ZNF470: variants seen among roughly 807,000 people sequenced by gnomAD.
ZNF470 encodes the protein chondrogenesis zinc finger protein 1.
A neutral mutation model predicts 13.9 loss-of-function variants in ZNF470; 13 were observed. That is an observed-to-expected ratio of 0.94 (90% CI 0.61 to 1.49). The LOEUF (loss-of-function observed/expected upper bound fraction) is 1.49. Among genes scored for constraint, ZNF470 ranks in the 40% most tolerant of loss-of-function variants. The pLI is 0.00. For synonymous variants in ZNF470, 293 were observed against 282.9 expected (o/e 1.04, Z -0.36); for missense variants, 929 against 857.3 (o/e 1.08, Z -1.04).
rs1361188693 is a variant in ZNF470, at chr19:56,580,047, A to G, written c.*1464A>G. ...TTACAGATCTAGTAGAACAGAAAAA[A>G]TTAAATGCATGCTATGTGATAAGTA... On this transcript the variant is annotated 3_prime_UTR_variant, in exon 6 of 6. Transcript: ENST00000330619. 1.5e-6 allele frequency: 1 copy of G among 689,492 alleles called. No homozygotes were observed. The highest frequency in any genetic ancestry group is 1.8e-6 in the Non-Finnish European group (1 of 560,392). The allele number at this position is 689,492 out of a possible 1,614,324, so 42.7% of individuals were successfully genotyped here.
Position 56,577,485 on chromosome 19 carries a change from C to G in ZNF470, c.1056C>G (p.Cys352Trp). ...AATGTGGGAAGGCTTTTAGTGATTG[C>G]TCATCCCTAGCTCATCATCGAAGGA... ...CIECGKAFSD[C>W]SSLAHHRRIH... Residue 352 changes from cysteine to tryptophan, a missense_variant, in exon 6 of 6, where the codon TGC (cysteine) becomes TGG (tryptophan). Cys to Trp is a radical substitution (Grantham distance 215). Transcript: ENST00000330619. The G allele has an allele frequency of 6.2e-7, 1 of 1,613,538 alleles. No individual in the cohort carries two copies. The highest frequency in any genetic ancestry group is 8.5e-7 in the Non-Finnish European group (1 of 1,179,564).
At position 56,580,226 on chromosome 19, in the gene ZNF470, G is replaced by A; in HGVS notation, c.*1643G>A. On this transcript the variant is annotated 3_prime_UTR_variant, in exon 6 of 6. Coordinates refer to ENST00000330619, the MANE Select transcript of ZNF470 (RefSeq NM_001001668.4). ...CAAAAGGCATAATGAAAATAGTCATGATAGTCCCAAGGCAGATATTGTTTA... is the reference window on the plus strand; with the variant it reads ...CAAAAGGCATAATGAAAATAGTCATAATAGTCCCAAGGCAGATATTGTTTA... 2 of 899,178 alleles carry A rather than the reference G, an allele frequency of 2.2e-6. No homozygotes were observed. Among genetic ancestry groups the A allele is most frequent in the Non-Finnish European group, 2.7e-6 (2 of 751,748 alleles). 55.7% of individuals were successfully genotyped at this position (899,178 alleles called of 1,614,324 possible).
rs746471446 is a variant in ZNF470, at chr19:56,574,721, G to A, written c.271G>A (p.Gly91Ser). 3.1e-6 allele frequency: 5 copies of A among 1,613,476 alleles called. No individual in the cohort carries two copies. Among genetic ancestry groups the A allele is most frequent in the Admixed American group, 3.3e-5 (2 of 59,890 alleles). Residue 91 changes from glycine to serine, a missense_variant, in exon 5 of 6, where the codon GGC (glycine) becomes AGC (serine). Physicochemically the swap from Gly to Ser is moderately conservative, Grantham distance 56. Transcript: ENST00000330619. ...PWVIKGGMNR[G>S]LCPDLECVWV... ...GGTGATAAAAGGAGGGATGAACAGA[G>A]GCCTGTGCCCAGGTAAGTGGAGGAT...
intron 3 of ZNF470, among the ~76,000 whole-genome samples, chr19:56,572,281 A>T (rs2044457153): frequency 8.6e-6 from 1 of 116,828 alleles, no homozygotes; most frequent in South Asian, 3.2e-4. Flanking sequence ...AGGCGGGTGG[A>T]TTACCTGAGG....
chr19:56,573,264 A>G (rs533076387), intron 3 of ZNF470, among the ~76,000 whole-genome samples: 2 of 152,292 alleles, frequency 1.3e-5, no homozygotes, highest in East Asian at 1.9e-4. Context: ...TTAAGCAATT[A>G]CATCATGCCA....
In ZNF470 at chr19:56,579,400, C is replaced by T. The variant is rs2044518563; in HGVS notation, c.*817C>T. 2.1e-6 allele frequency: 2 copies of T among 969,776 alleles called. No homozygotes were observed. The highest frequency in any genetic ancestry group is 2.5e-6 in the Non-Finnish European group (2 of 815,846). 60.1% of individuals were successfully genotyped at this position (969,776 alleles called of 1,614,324 possible). On this transcript the variant is annotated 3_prime_UTR_variant, in exon 6 of 6. Coordinates refer to ENST00000330619, the MANE Select transcript of ZNF470 (RefSeq NM_001001668.4). ...TCACACCACTGCAATTCCAGCTGGG[C>T]AGCAGAGCCAGACACTGTCTCAAGG...
rs932965887 is a variant in ZNF470, at chr19:56,581,680, C to A, written c.*3097C>A. 3.5e-5 allele frequency: 34 copies of A among 981,178 alleles called. No individual in the cohort carries two copies. Among genetic ancestry groups the A allele is most frequent in the Admixed American group, 1.8e-4 (3 of 16,234 alleles). 60.8% of individuals were successfully genotyped at this position (981,178 alleles called of 1,614,324 possible). A position where few individuals can be genotyped will look rare whatever the true frequency, so the allele number is the denominator to read the frequency against. ...TAATTGTGATATCAAAAATAAAAAT[C>A]AAAATATATATTATAGTAGGCATTT... On this transcript the variant is annotated 3_prime_UTR_variant, in exon 6 of 6. Coordinates refer to ENST00000330619, the MANE Select transcript of ZNF470 (RefSeq NM_001001668.4).
Position 56,577,072 on chromosome 19 carries a change from G to A in ZNF470, c.643G>A (p.Val215Met), listed in dbSNP as rs767384885. 5.6e-6 allele frequency: 9 copies of A among 1,594,042 alleles called. No individual in the cohort carries two copies. The African/African-American group carries it at 1.1e-4, about 19-fold the overall frequency. ...GAAAAGCTTAAAAACACATTCAGTT[G>A]TGAAAAAACACAAGCAAGACCGTGG... ...DKKSLKTHSV[V>M]KKHKQDRGEK... The change falls in exon 6 of 6, where the codon GTG becomes ATG. Residue 215 changes from valine (V) to methionine (M), a missense_variant. Transcript: ENST00000330619.
Position 56,576,950 on chromosome 19 carries a change from C to G in ZNF470, c.521C>G (p.Ser174Cys), listed in dbSNP as rs755588951. ...IDTLIEKRDHSNKSGTVFHLN... is the reference protein window; with the variant it reads ...IDTLIEKRDHCNKSGTVFHLN... ...ACTCTTATTGAAAAAAGAGATCACTCTAACAAATCTGGGACAGTTTTTCAT... is the reference window on the plus strand; with the variant it reads ...ACTCTTATTGAAAAAAGAGATCACTGTAACAAATCTGGGACAGTTTTTCAT... The change falls in exon 6 of 6, where the codon TCT (serine) becomes TGT (cysteine). Residue 174 changes from serine (S) to cysteine (C), a missense_variant. Ser to Cys is a moderately radical substitution (Grantham distance 112). Coordinates refer to ENST00000330619, the MANE Select transcript of ZNF470 (RefSeq NM_001001668.4). The G allele has an allele frequency of 1.9e-6, 3 of 1,585,834 alleles. No homozygotes were observed. Among genetic ancestry groups the G allele is most frequent in the African/African-American group, 2.7e-5 (2 of 73,100 alleles).
In ZNF470 at chr19:56,567,783, G is replaced by A. The variant is rs946852999; in HGVS notation, c.-414G>A. 3.0e-6 allele frequency: 3 copies of A among 987,470 alleles called. No homozygotes were observed. The highest frequency in any genetic ancestry group is 3.6e-6 in the Non-Finnish European group (3 of 831,500). The allele number at this position is 987,470 out of a possible 1,614,324, so 61.2% of individuals were successfully genotyped here. The stretch of plus-strand genomic sequence containing the variant: ...CCCGGCGGCGTGCGGAAGGCGGTGT[G>A]TGTTGGAATGAGTGAAGCACTTTAA... On this transcript the variant is annotated 5_prime_UTR_variant, in exon 1 of 6. It adds an upstream start codon to the 5' untranslated region. Transcript: ENST00000330619.
Position 56,574,499 on chromosome 19 carries a change from T to C in ZNF470, c.166T>C (p.Tyr56His), listed in dbSNP as rs758440836. 6.2e-7 allele frequency: 1 copy of C among 1,613,884 alleles called. No individual in the cohort carries two copies. The highest frequency in any genetic ancestry group is 1.1e-5 in the South Asian group (1 of 91,072). ...GTACAAGAAGGTGATGTTAGAAAAC[T>C]ACAGGAACCTAGTTTCAGTGGGTAA... ...SLYKKVMLEN[Y>H]RNLVSVGLCI... Residue 56 changes from tyrosine to histidine, a missense_variant, in exon 4 of 6, where the codon TAC becomes CAC. Coordinates refer to ENST00000330619, the MANE Select transcript of ZNF470 (RefSeq NM_001001668.4).
In ZNF470 at chr19:56,577,352, G is replaced by T; in HGVS notation, c.923G>T (p.Gly308Val). 1 of 1,613,728 alleles carries T rather than the reference G, an allele frequency of 6.2e-7. No individual in the cohort carries two copies. Among genetic ancestry groups the T allele is most frequent in the Non-Finnish European group, 8.5e-7 (1 of 1,179,782 alleles). Residue 308 changes from glycine to valine, a missense_variant, in exon 6 of 6, where the codon GGA (glycine) becomes GTA (valine). By Grantham distance (109) the Gly-to-Val change is moderately radical (BLOSUM62 -3). Coordinates refer to ENST00000330619, the MANE Select transcript of ZNF470 (RefSeq NM_001001668.4). ...HLVQHQRVHT[G>V]EKPYQCKQCN... is the part of the protein sequence containing the mutation. ...GTTCAACACCAGAGAGTTCATACTG[G>T]AGAGAAACCTTATCAGTGTAAGCAG...
Position 56,577,112 on chromosome 19 carries a change from T to G in ZNF470, c.683T>G (p.Leu228Ter). The change falls in exon 6 of 6, where the codon TTA (leucine) becomes TGA (stop). Residue 228 changes from leucine (L) to a stop codon, truncating the protein, a stop_gained. Coordinates refer to ENST00000330619, the MANE Select transcript of ZNF470 (RefSeq NM_001001668.4). LOFTEE classifies it low-confidence loss of function (END_TRUNC). ...CAAGACCGTGGAGAAAAGAAACTTT[T>G]AAAATGTAATGACTGTGAGAAAATA... The part of the protein sequence containing the change: ...HKQDRGEKKL[L>*]KCNDCEKIFS... 6.2e-7 allele frequency: 1 copy of G among 1,610,122 alleles called. No individual in the cohort carries two copies. Among genetic ancestry groups the G allele is most frequent in the Non-Finnish European group, 8.5e-7 (1 of 1,179,054 alleles).
rs570503746 is a variant in ZNF470, at chr19:56,579,349, G to C, written c.*766G>C. ...AAGCAGGAGGATTGCTTGAGCCCAG[G>C]AGGTAGAGGTTGCAGTGAGTCATGA... is the stretch of plus-strand genomic sequence containing the variant. On this transcript the variant is annotated 3_prime_UTR_variant, in exon 6 of 6. Transcript: ENST00000330619. 2.1e-5 allele frequency: 16 copies of C among 762,676 alleles called. No homozygotes were observed. The highest frequency in any genetic ancestry group is 2.6e-5 in the Non-Finnish European group (16 of 626,898). 47.2% of individuals were successfully genotyped at this position (762,676 alleles called of 1,614,324 possible). A position where few individuals can be genotyped will look rare whatever the true frequency, so the allele number is the denominator to read the frequency against.
In ZNF470 at chr19:56,581,259, C is replaced by A; in HGVS notation, c.*2676C>A. ...AGTTAATGAAAATTATCCAATATCA[C>A]TAGAAATCAAGAAATGCAAATTAAA... On this transcript the variant is annotated 3_prime_UTR_variant, in exon 6 of 6. Coordinates refer to ENST00000330619, the MANE Select transcript of ZNF470 (RefSeq NM_001001668.4). 1 of 634,360 alleles carries A rather than the reference C, an allele frequency of 1.6e-6. No homozygotes were observed. Among genetic ancestry groups the A allele is most frequent in the Non-Finnish European group, 2.0e-6 (1 of 509,926 alleles). 39.3% of individuals were successfully genotyped at this position (634,360 alleles called of 1,614,324 possible).
Position 56,567,525 on chromosome 19 carries a change from A to G in ZNF470, c.-672A>G, listed in dbSNP as rs1284511099. 1.0e-6 allele frequency: 1 copy of G among 986,162 alleles called. No individual in the cohort carries two copies. The highest frequency in any genetic ancestry group is 1.2e-6 in the Non-Finnish European group (1 of 830,558). The allele number at this position is 986,162 out of a possible 1,614,324, so 61.1% of individuals were successfully genotyped here. ...CACGTCCCGCCGGTTGCTGAGGAGA[A>G]GGGAGGTCTGGGCGGGGCAGCGGCC... On this transcript the variant is annotated 5_prime_UTR_variant, in exon 1 of 6. Coordinates refer to ENST00000330619, the MANE Select transcript of ZNF470 (RefSeq NM_001001668.4).
rs1374066687 is a variant in ZNF470 at position 56,578,454 on chromosome 19, G to A, written c.2025G>A (p.Arg675=). ...TLHKRIHTGE[R]PYECKECGKA... ...ATAAGAGAATTCATACTGGAGAAAG[G>A]CCCTATGAGTGTAAAGAATGTGGAA... is the stretch of plus-strand genomic sequence containing the variant. The change falls in exon 6 of 6, where the codon AGG becomes AGA. Residue 675 remains arginine, a synonymous_variant. Coordinates refer to ENST00000330619, the MANE Select transcript of ZNF470 (RefSeq NM_001001668.4). The A allele has an allele frequency of 2.5e-6, 4 of 1,612,722 alleles. No homozygotes were observed. In the South Asian group the frequency reaches 3.3e-5, roughly 13 times the overall value.
Position 56,580,826 on chromosome 19 carries a change from TAAA to T in ZNF470, c.*2246_*2248del, listed in dbSNP as rs1237593255. The stretch of plus-strand genomic sequence containing the variant: ...GCTTTCAGACTCTCCTTATATATGA[TAAA>T]AAGGATTTTTCATTGTAGTGGGGAA... On this transcript the variant is annotated 3_prime_UTR_variant, in exon 6 of 6. Transcript: ENST00000330619. 4 of 984,650 alleles carry T rather than the reference TAAA, an allele frequency of 4.1e-6. No homozygotes were observed. Among genetic ancestry groups the T allele is most frequent in the East Asian group, 1.1e-4 (1 of 8,812 alleles). 61.0% of individuals were successfully genotyped at this position (984,650 alleles called of 1,614,324 possible).
At chr19:56,574,867 T>G (rs1292942456) in intron 5 of ZNF470, 134 bp downstream of exon 5, 13 of 720,120 alleles carry the variant, frequency 1.8e-5, no homozygotes, top group Non-Finnish European at 2.9e-5. Flanking sequence ...TGAATGGTTA[T>G]TCTCTTCCCT....
Sources: gnomAD v4.1 joint callset for allele counts (sites outside exome capture counted in the v4.1 genomes callset) on GRCh38, gnomAD v4.1.1 for gene constraint, MANE v1.5 for transcripts, NCBI Gene and HGNC (gene_info 2026-07-23, HGNC 2026-07-21) for gene names.